The following GABPB1 variants were observed in gnomAD, a reference collection of about 807,000 sequenced individuals.
GABPB1 encodes GA binding protein transcription factor subunit beta 1.
In GABPB1, 15 loss-of-function variants were observed where a neutral mutation model predicts 45.9. The observed-to-expected ratio is 0.33, with a 90% confidence interval of 0.22 to 0.50. GABPB1 has a LOEUF of 0.50. GABPB1 is among the 20% of genes least tolerant of loss of function. The pLI is 0.98. For missense variants in GABPB1, 252 were observed against 457.5 expected (o/e 0.55, Z 4.10); for synonymous variants, 143 against 154.4 (o/e 0.93, Z 0.55).
At position 50,278,635 on chromosome 15, in the gene GABPB1, A is replaced by G. The variant is rs1595719587; in HGVS notation, c.1149T>C (p.Val383=). Residue 383 remains valine (V), a synonymous_variant, in exon 9 of 9, where the codon GTT becomes GTC. Coordinates refer to ENST00000380877, the MANE Select transcript of GABPB1 (RefSeq NM_016654.5). The part of the protein sequence containing the change: ...MTRLQTNKEA[V] The stretch of plus-strand genomic sequence containing the variant: ...TCAAACTACATGTTCATTTCAATTA[A>G]ACAGCTTCTTTATTAGTCTGAAGAC... 3 of 1,608,512 alleles carry G rather than the reference A, an allele frequency of 1.9e-6. No homozygotes were observed. In the East Asian group the frequency reaches 6.7e-5, roughly 36 times the overall value.
intron 1 of GABPB1, among the ~76,000 whole-genome samples, chr15:50,312,717 C>A (rs749353107): frequency 4.6e-5 from 7 of 152,300 alleles, no homozygotes; most frequent in Middle Eastern, 3.4e-3. Flanking sequence ...CAAAAATCTA[C>A]ATTTTTAAAT....
At chr15:50,304,642 C>T (rs2141032364) in intron 2 of GABPB1, among the ~76,000 whole-genome samples, 1 of 150,274 alleles carries the variant, frequency 6.7e-6, no homozygotes, top group East Asian at 2.0e-4. Flanking sequence ...ACCCAGGAGG[C>T]AGAGGTTGCA....
At chr15:50,328,592 A>G (rs1004265299) in intron 1 of GABPB1, among the ~76,000 whole-genome samples, 15 of 152,332 alleles carry the variant, frequency 9.8e-5, no homozygotes, top group African/African-American at 3.6e-4. Flanking sequence ...ATCACTTTTA[A>G]TGATACTAAG....
chr15:50,332,190 T>C (rs116183798), intron 1 of GABPB1, among the ~76,000 whole-genome samples: 3,073 of 152,154 alleles, frequency 0.02, 104 homozygotes, highest in African/African-American at 0.071. Flanking sequence ...TCCAGTTTCT[T>C]TTCTCTCCTT....
At chr15:50,285,523 C>G (rs1334410399) in intron 8 of GABPB1, among the ~76,000 whole-genome samples, 1 of 152,106 alleles carries the variant, frequency 6.6e-6, no homozygotes, top group Non-Finnish European at 1.5e-5. Context: ...CACCTACAAA[C>G]TGGTTTACGC....
chr15:50,283,861 A>C (rs2046075462), intron 8 of GABPB1, among the ~76,000 whole-genome samples: 1 of 152,236 alleles, frequency 6.6e-6, no homozygotes, highest in African/African-American at 2.4e-5. Context: ...TTGCAGTCAC[A>C]GATACATGGA....
intron 1 of GABPB1, chr15:50,353,666 T>C (rs780247684): frequency 1.2e-4 from 19 of 152,160 alleles, no homozygotes; most frequent in Non-Finnish European, 2.5e-4. Flanking sequence ...GTATCAAAGC[T>C]GATGGTTATA....
At chr15:50,299,920 G>C (rs550429698) in intron 6 of GABPB1, among the ~76,000 whole-genome samples, 1 of 151,900 alleles carries the variant, frequency 6.6e-6, no homozygotes, top group Admixed American at 6.6e-5. Context: ...AGGTTCAAGC[G>C]ATCCTCTGAC....
intron 1 of GABPB1, chr15:50,352,447 G>A (rs965358056): frequency 3.3e-5 from 5 of 151,656 alleles, no homozygotes; most frequent in African/African-American, 1.2e-4. Context: ...CGATTCTCCT[G>A]CCTCAGCCTC....
chr15:50,345,933 G>T (rs539992278), intron 1 of GABPB1, among the ~76,000 whole-genome samples: 2 of 151,812 alleles, frequency 1.3e-5, no homozygotes, highest in African/African-American at 4.8e-5. Context: ...GGATCGTCTC[G>T]ATCTCCTGAC....
intron 2 of GABPB1, among the ~76,000 whole-genome samples, chr15:50,305,885 G>A (rs919094244): frequency 2.0e-5 from 3 of 151,988 alleles, no homozygotes; most frequent in African/African-American, 2.4e-5. Flanking sequence ...GAGCTCAAGC[G>A]ATCCTCCTCC....
In GABPB1 at chr15:50,332,601, AT is replaced by A. The variant is rs547993573; in HGVS notation, c.-1+22383del. On this transcript the variant is annotated intron_variant, in intron 1 of 8. Transcript: ENST00000380877. ...TAAGAACAATATATTTATGGGTTAAATAATGTGATTGTTAGGACTTACTTTA... is the reference window on the plus strand; with the variant it reads ...TAAGAACAATATATTTATGGGTTAAAAATGTGATTGTTAGGACTTACTTTA... Among the ~76,000 whole-genome samples the A allele has an allele frequency of 1.4e-3, 212 of 152,274 alleles. 3 individuals carry two copies. The highest frequency in any genetic ancestry group is 5.0e-3 in the African/African-American group (206 of 41,582).
intron 1 of GABPB1, among the ~76,000 whole-genome samples, chr15:50,332,551 T>C (rs1180735609): frequency 6.6e-6 from 1 of 152,186 alleles, no homozygotes; most frequent in Admixed American, 6.5e-5. Flanking sequence ...GATACTGGTA[T>C]TATACTTTAA....
intron 1 of GABPB1, chr15:50,354,746 C>A: frequency 3.4e-6 from 1 of 297,790 alleles, no homozygotes; most frequent in Non-Finnish European, 6.4e-6. Flanking sequence ...GCCCGCCCCT[C>A]CCAGAAGCAG....
intron 1 of GABPB1, chr15:50,354,349 G>GGCCCCGCGCGGGA (rs1197303238): frequency 2.2e-6 from 1 of 447,380 alleles, no homozygotes; most frequent in Admixed American, 2.4e-5. Context: ...TCGCTGCGGG[G>GGCCCCGCGCGGGA]GCCCCGCGCG....
chr15:50,281,430 C>T (rs141542926), intron 8 of GABPB1, among the ~76,000 whole-genome samples: 1 of 152,186 alleles, frequency 6.6e-6, no homozygotes, highest in South Asian at 2.1e-4. Flanking sequence ...CCAGGATGGT[C>T]TCAATCTCCT....
At chr15:50,281,440 T>C (rs929279023) in intron 8 of GABPB1, among the ~76,000 whole-genome samples, 7 of 152,200 alleles carry the variant, frequency 4.6e-5, no homozygotes, top group Non-Finnish European at 8.8e-5. Flanking sequence ...CTCAATCTCC[T>C]GACCTCGTGA....
At chr15:50,288,160 T>C (rs2046228935) in intron 7 of GABPB1, among the ~76,000 whole-genome samples, 1 of 152,184 alleles carries the variant, frequency 6.6e-6, no homozygotes, top group Non-Finnish European at 1.5e-5. Flanking sequence ...CAAGCGATCT[T>C]CCTGCCTCAG....
At chr15:50,329,873 T>G (rs528072997) in intron 1 of GABPB1, among the ~76,000 whole-genome samples, 15 of 151,996 alleles carry the variant, frequency 9.9e-5, no homozygotes, top group African/African-American at 3.6e-4. Flanking sequence ...TTTGCATATA[T>G]TCATATTCTT....
Sources: allele counts gnomAD v4.1 joint callset (sites outside exome capture counted in the v4.1 genomes callset), GRCh38; gene constraint gnomAD v4.1.1; transcripts MANE v1.5; gene names NCBI Gene and HGNC (gene_info 2026-07-23, HGNC 2026-07-21).